MTMR3: variants seen among roughly 807,000 people sequenced by gnomAD.
MTMR3 encodes the protein myotubularin related protein 3.
In MTMR3, 32 loss-of-function variants were observed where a neutral mutation model predicts 132.4. The observed-to-expected ratio is 0.24, with a 90% confidence interval of 0.18 to 0.32. MTMR3 has a LOEUF of 0.32. Among genes scored for constraint, MTMR3 ranks in the 10% least tolerant of loss-of-function variants. The probability of loss-of-function intolerance (pLI) is 1.00; values close to 1 mark genes in which losing one functional copy is unlikely to be tolerated. For synonymous variants in MTMR3, 556 were observed against 550.3 expected (o/e 1.01, Z -0.14); for missense variants, 1,216 against 1,489.6 (o/e 0.82, Z 3.02).
chr22:29,923,078 A>C (rs1056561158), intron 1 of MTMR3, among the ~76,000 whole-genome samples: 5 of 137,328 alleles, frequency 3.6e-5, no homozygotes, highest in Admixed American at 1.5e-4. Flanking sequence ...GTCTTGCTCT[A>C]TTGCCCAGGC....
intron 5 of MTMR3, chr22:29,981,331 T>C (rs1366712777): frequency 3.3e-5 from 5 of 152,194 alleles, no homozygotes; most frequent in African/African-American, 9.6e-5. Context: ...TACACTTCTG[T>C]GTGAATAGGC....
At chr22:29,937,419 ATT>A (rs5844882) in intron 1 of MTMR3, among the ~76,000 whole-genome samples, 1 of 144,280 alleles carries the variant, frequency 6.9e-6, no homozygotes. Context: ...AACTTTGCAG[ATT>A]TTTTTTTTTT....
intron 1 of MTMR3, among the ~76,000 whole-genome samples, chr22:29,899,182 T>C (rs1483584839): frequency 1.3e-5 from 2 of 152,174 alleles, no homozygotes; most frequent in Non-Finnish European, 2.9e-5. Flanking sequence ...GAGATGACAC[T>C]TAGGCTATTT....
At chr22:30,011,040 T>C (rs2067407972) in intron 12 of MTMR3, 1 of 152,218 alleles carries the variant, frequency 6.6e-6, no homozygotes, top group South Asian at 2.1e-4. Flanking sequence ...CCAGTACTTA[T>C]GCACTGCATT....
chr22:29,978,458 A>T lies in MTMR3; in HGVS notation c.20A>T (p.His7Leu). 2 of 1,612,794 alleles carry T rather than the reference A, an allele frequency of 1.2e-6. No homozygotes were observed. Among genetic ancestry groups the T allele is most frequent in the South Asian group, 1.1e-5 (1 of 90,994 alleles). ...CTTTTCCAGGATGAAGAGACTCGGC[A>T]CAGCCTTGAGTGCATCCAGGCCAAT... MDEETR[H>L]SLECIQANQI... is the part of the protein sequence containing the mutation. Residue 7 changes from histidine to leucine, a missense_variant, in exon 4 of 20, where the codon CAC becomes CTC. Coordinates refer to ENST00000401950, the MANE Select transcript of MTMR3 (RefSeq NM_021090.4).
intron 1 of MTMR3, among the ~76,000 whole-genome samples, chr22:29,937,237 T>C (rs2065766809): frequency 6.6e-6 from 1 of 152,114 alleles, no homozygotes; most frequent in Non-Finnish European, 1.5e-5. Context: ...TACTGACTCT[T>C]TAAATGGCTG....
chr22:29,888,768 C>CTTTTTTTTTTTTTT, intron 1 of MTMR3, among the ~76,000 whole-genome samples: 1 of 101,880 alleles, frequency 9.8e-6, no homozygotes, highest in Non-Finnish European at 1.9e-5. Flanking sequence ...TTAGTTAATA[C>CTTTTTTTTTTTTTT]TTTTTTTTTT....
intron 1 of MTMR3, among the ~76,000 whole-genome samples, chr22:29,940,477 C>T (rs2065837344): frequency 6.7e-6 from 1 of 150,014 alleles, no homozygotes; most frequent in Non-Finnish European, 1.5e-5. Context: ...GTTGCTCACA[C>T]AAAGCCTGTT....
intron 7 of MTMR3, chr22:29,995,810 C>T (rs941663748): frequency 3.9e-5 from 6 of 152,076 alleles, no homozygotes; most frequent in Non-Finnish European, 5.9e-5. Context: ...GCTAAGTAAA[C>T]GTGAGTGAAC....
intron 9 of MTMR3, chr22:30,004,353 G>A (rs546882364): frequency 2.6e-5 from 4 of 152,286 alleles, no homozygotes; most frequent in Admixed American, 2.0e-4. Context: ...GCATCTGTGG[G>A]GCTTGCTGAC....
Position 30,019,658 on chromosome 22 carries a change from G to A in MTMR3, c.1999G>A (p.Gly667Arg). 6.2e-7 allele frequency: 1 copy of A among 1,614,142 alleles called. No homozygotes were observed. Among genetic ancestry groups the A allele is most frequent in the Non-Finnish European group, 8.5e-7 (1 of 1,180,014 alleles). The change falls in exon 17 of 20, where the codon GGG becomes AGG. Residue 667 changes from glycine (G) to arginine (R), a missense_variant. Physicochemically the swap from Gly to Arg is moderately radical, Grantham distance 125 (BLOSUM62 -2). Coordinates refer to ENST00000401950, the MANE Select transcript of MTMR3 (RefSeq NM_021090.4). ...GGATCCCCTTTCTGCCGACAGCCTA[G>A]GGAAGCCCACCAGAGTGCCGGGGGG... is the stretch of plus-strand genomic sequence containing the variant. Reference protein sequence around the residue: ...GEDPLSADSLGKPTRVPGGAE... With the variant: ...GEDPLSADSLRKPTRVPGGAE...
intron 2 of MTMR3, among the ~76,000 whole-genome samples, chr22:29,962,996 C>T (rs2066343068): frequency 6.6e-6 from 1 of 150,712 alleles, no homozygotes; most frequent in African/African-American, 2.4e-5. Context: ...CTCACTGAAA[C>T]CTCGCCACTG....
chr22:29,967,240 C>CGT (rs2066444049), intron 2 of MTMR3, among the ~76,000 whole-genome samples: 4 of 144,036 alleles, frequency 2.8e-5, no homozygotes, highest in Admixed American at 1.4e-4. Flanking sequence ...TGTGCATGCG[C>CGT]GCGCGCGCGC....
intron 2 of MTMR3, 40 bp from the exon 3 acceptor site, chr22:29,970,935 CT>C (rs34749290): frequency 7.1e-4 from 314 of 443,214 alleles, no homozygotes; most frequent in South Asian, 1.4e-3. Flanking sequence ...CTCCCCTCCT[CT>C]TTTTTTTTTC....
chr22:29,996,671 G>C (rs890911970), intron 7 of MTMR3: 4 of 152,158 alleles, frequency 2.6e-5, no homozygotes, highest in African/African-American at 9.7e-5. Flanking sequence ...GCAGCTTTTA[G>C]ATTGGGATTA....
intron 14 of MTMR3, 124 bp downstream of exon 14, chr22:30,013,665 G>T: frequency 1.6e-5 from 15 of 916,222 alleles, no homozygotes; most frequent in Admixed American, 6.1e-5. Context: ...TTTTTTTCCT[G>T]TTTCTGCTTT....
At chr22:30,021,093 G>A (rs2145976478) in intron 17 of MTMR3, 1 of 595,488 alleles carries the variant, frequency 1.7e-6, no homozygotes, top group East Asian at 2.8e-5. Context: ...TTCTGCAGAT[G>A]TCCTGTTGAG....
rs560708142 is a variant in MTMR3 at position 29,992,702 on chromosome 22, T to A, written c.460+1032T>A. 2.0e-5 allele frequency: 3 copies of A among 152,308 alleles called. No homozygotes were observed. The South Asian group carries it at 6.2e-4, about 32-fold the overall frequency. The allele number at this position is 152,308 out of a possible 1,614,324, so 9.4% of individuals were successfully genotyped here. A position where few individuals can be genotyped will look rare whatever the true frequency, so the allele number is the denominator to read the frequency against. On this transcript the variant is annotated intron_variant, in intron 7 of 19. Transcript: ENST00000401950. The stretch of plus-strand genomic sequence containing the variant: ...TTCTAGAAACCTGAAATTTTAATCC[T>A]GAATCTTCAATCTTATAAGTCTGCC...
intron 5 of MTMR3, chr22:29,986,441 T>C: frequency 2.2e-6 from 1 of 461,286 alleles, no homozygotes. Flanking sequence ...TTCTAATCTG[T>C]CTTCTTAATC....
Sources: allele counts gnomAD v4.1 joint callset (sites outside exome capture counted in the v4.1 genomes callset), GRCh38; gene constraint gnomAD v4.1.1; transcripts MANE v1.5; gene names NCBI Gene and HGNC (gene_info 2026-07-23, HGNC 2026-07-21).